PPFIBP1: variants seen among roughly 807,000 people sequenced by gnomAD.
PPFIBP1 encodes PPFIB scaffold protein 1.
PPFIBP1 carries 112 observed loss-of-function variants against 137.8 expected under a neutral mutation model. The observed-to-expected ratio is 0.81, with a 90% CI of 0.70 to 0.95. The LOEUF (loss-of-function observed/expected upper bound fraction) is 0.95, where lower values mean the gene tolerates loss of function less well. Among genes scored for constraint, PPFIBP1 ranks in the 40% least tolerant of loss-of-function variants. The pLI is 0.00. For missense variants in PPFIBP1, 1,083 were observed against 1,196.6 expected, an observed-to-expected ratio of 0.91 and a Z score of 1.40; for synonymous variants, 378 against 417.3, an observed-to-expected ratio of 0.91 and a Z score of 1.15.
chr12:27,584,257 A>C (rs2051443645), intron 2 of PPFIBP1: 1 of 152,318 alleles, frequency 6.6e-6, no homozygotes, highest in South Asian at 2.1e-4. Context: ...CCTCAGGAAC[A>C]CCAGGCAGCG....
At chr12:27,528,177 G>C in intron 1 of PPFIBP1, among the ~76,000 whole-genome samples, 1 of 152,138 alleles carries the variant, frequency 6.6e-6, no homozygotes. Context: ...TCGAACTCCT[G>C]ACCTCAGGTG....
At chr12:27,682,325 C>A in intron 22 of PPFIBP1, 62 bp from the exon 23 acceptor site, 1 of 1,149,276 alleles carries the variant, frequency 8.7e-7, no homozygotes, top group Non-Finnish European at 1.3e-6. Context: ...AAATTTGCAT[C>A]CTTTGCCAGT....
At chr12:27,540,140 C>T (rs1945487511) in intron 1 of PPFIBP1, among the ~76,000 whole-genome samples, 1 of 151,194 alleles carries the variant, frequency 6.6e-6, no homozygotes, top group Non-Finnish European at 1.5e-5. Flanking sequence ...TTACTGCAGC[C>T]TCAAAATGCT....
chr12:27,620,444 A>G (rs2056232097), intron 2 of PPFIBP1, among the ~76,000 whole-genome samples: 1 of 152,170 alleles, frequency 6.6e-6, no homozygotes, highest in South Asian at 2.1e-4. Flanking sequence ...TCTCCCTGGA[A>G]GCTCTTCTCA....
chr12:27,595,888 T>A (rs1316900922), intron 2 of PPFIBP1, among the ~76,000 whole-genome samples: 149 of 88,598 alleles, frequency 1.7e-3, no homozygotes, highest in East Asian at 4.2e-3. Flanking sequence ...AACAACAAAA[T>A]ATATATATAT....
In PPFIBP1 at chr12:27,555,485, C is replaced by CA. The variant is rs1466378108; in HGVS notation, c.-123-22661dup. ...GCTAAATAACAGTGATTATTATATGCAAAAAAGGTTGCTACAGTTATTTTT... is the reference window on the plus strand; with the variant it reads ...GCTAAATAACAGTGATTATTATATGCAAAAAAAGGTTGCTACAGTTATTTTT... On this transcript the variant is annotated intron_variant, in intron 1 of 29. Transcript: ENST00000228425. 5.3e-5 allele frequency among the ~76,000 whole-genome samples: 8 copies of CA among 151,998 alleles called. 1 individual carries two copies. Among genetic ancestry groups the CA allele is most frequent in the Non-Finnish European group, 1.0e-4 (7 of 67,984 alleles).
intron 2 of PPFIBP1, among the ~76,000 whole-genome samples, chr12:27,604,094 A>T (rs916749812): frequency 1.3e-5 from 2 of 152,134 alleles, no homozygotes; most frequent in African/African-American, 4.8e-5. Flanking sequence ...AAAAGTGGGG[A>T]TGGGGTGGAA....
intron 1 of PPFIBP1, among the ~76,000 whole-genome samples, chr12:27,537,329 C>G (rs904616162): frequency 5.3e-5 from 8 of 152,282 alleles, no homozygotes; most frequent in African/African-American, 1.7e-4. Flanking sequence ...GATGGGGTTT[C>G]ACTATGTTGG....
At chr12:27,640,937 C>G (rs1211617523) in intron 4 of PPFIBP1, among the ~76,000 whole-genome samples, 5 of 152,136 alleles carry the variant, frequency 3.3e-5, no homozygotes, top group Admixed American at 3.3e-4. Context: ...CTTTTGGTAA[C>G]TAGAGATAAT....
intron 13 of PPFIBP1, among the ~76,000 whole-genome samples, chr12:27,669,296 T>C (rs954879343): frequency 2.6e-5 from 4 of 152,188 alleles, no homozygotes; most frequent in African/African-American, 9.6e-5. Flanking sequence ...AGAAATACTT[T>C]GGTGGAAAAT....
intron 4 of PPFIBP1, among the ~76,000 whole-genome samples, chr12:27,642,131 G>A (rs934496744): frequency 8.5e-5 from 13 of 152,168 alleles, no homozygotes; most frequent in South Asian, 2.1e-4. Flanking sequence ...GGGATAAAGC[G>A]TTTTAGATGT....
chr12:27,685,207 C>T (rs986805645), intron 24 of PPFIBP1, among the ~76,000 whole-genome samples: 3 of 149,988 alleles, frequency 2.0e-5, no homozygotes, highest in Non-Finnish European at 4.4e-5. Context: ...ACTGTAGATA[C>T]ATAGAGTATG....
chr12:27,612,345 T>TTTTTC (rs2055223969), intron 2 of PPFIBP1, among the ~76,000 whole-genome samples: 1 of 145,352 alleles, frequency 6.9e-6, no homozygotes, highest in Non-Finnish European at 1.5e-5. Context: ...TTTTTTTTTT[T>TTTTTC]TTTTTTGAGA....
At position 27,630,901 on chromosome 12, in the gene PPFIBP1, T is replaced by C. The variant is rs534206267; in HGVS notation, c.-35-2461T>C. Among the ~76,000 whole-genome samples the C allele has an allele frequency of 7.4e-4, 112 of 151,934 alleles. 6 individuals carry two copies. The South Asian group carries it at 0.022, about 29-fold the overall frequency. Reference sequence around the variant, plus strand: ...CAGTTTAAGTCTACCACTTTGGCTATTGATTTTTCTTTCTCCTATGTGTCC... The same window carrying C: ...CAGTTTAAGTCTACCACTTTGGCTACTGATTTTTCTTTCTCCTATGTGTCC... On this transcript the variant is annotated intron_variant, in intron 2 of 29. Coordinates refer to ENST00000228425, the MANE Select transcript of PPFIBP1 (RefSeq NM_003622.4).
At chr12:27,657,510 T>A (rs1311159438) in intron 9 of PPFIBP1, among the ~76,000 whole-genome samples, 5 of 151,306 alleles carry the variant, frequency 3.3e-5, no homozygotes, top group African/African-American at 1.2e-4. Flanking sequence ...CAAATTCCAG[T>A]TAGCGTAGCT....
In PPFIBP1 at chr12:27,692,958, A is replaced by C. The variant is rs1468191556; in HGVS notation, c.*76A>C. On this transcript the variant is annotated 3_prime_UTR_variant, in exon 30 of 30. Coordinates refer to ENST00000228425, the MANE Select transcript of PPFIBP1 (RefSeq NM_003622.4). ...TTTTCCAAACACTCACAGTATATAC[A>C]ACAGGCAGCGGATTGTCTATTGTTT... The C allele has an allele frequency of 2.0e-5, 32 of 1,565,988 alleles. No homozygotes were observed. The highest frequency in any genetic ancestry group is 5.4e-5 in the African/African-American group (4 of 73,750).
At chr12:27,580,648 G>A (rs1592607485) in intron 2 of PPFIBP1, among the ~76,000 whole-genome samples, 1 of 152,198 alleles carries the variant, frequency 6.6e-6, no homozygotes, top group East Asian at 1.9e-4. Context: ...ATGAGACTTC[G>A]GTTTTTAATT....
intron 2 of PPFIBP1, among the ~76,000 whole-genome samples, chr12:27,609,545 G>A (rs546837566): frequency 6.6e-6 from 1 of 152,142 alleles, no homozygotes; most frequent in African/African-American, 2.4e-5. Context: ...CATCTTCTCG[G>A]GATCCCTTCT....
intron 10 of PPFIBP1, among the ~76,000 whole-genome samples, 191 bp from the exon 11 acceptor site, chr12:27,660,693 G>A (rs2059490869): frequency 6.6e-6 from 1 of 152,194 alleles, no homozygotes; most frequent in Admixed American, 6.5e-5. Flanking sequence ...GTTCAGGTGA[G>A]GTAGAAGATG....
Sources: allele counts gnomAD v4.1 joint callset (sites outside exome capture counted in the v4.1 genomes callset), GRCh38; gene constraint gnomAD v4.1.1; transcripts MANE v1.5; gene names NCBI Gene and HGNC (gene_info 2026-07-23, HGNC 2026-07-21).